Variants in AK4 observed in about 807,000 individuals in gnomAD.
AK4 encodes adenylate kinase 4.
A neutral mutation model predicts 24.6 loss-of-function variants in AK4; 13 were observed. The observed-to-expected ratio is 0.53, with a 90% CI of 0.34 to 0.84. The LOEUF is 0.84. Ranked by LOEUF, AK4 falls within the 40% of genes least tolerant of loss-of-function variation. The pLI, the probability that AK4 is intolerant of heterozygous loss-of-function variation, is 0.01. For missense variants in AK4, 192 were observed against 288.2 expected (o/e 0.67, Z 2.42); for synonymous variants, 88 against 107.0 (o/e 0.82, Z 1.10).
chr1:65,226,886 G>A lies in AK4; in HGVS notation c.*709G>A, dbSNP rs1283038680. ...ATAGTTATTGCTTTTATCCCTCTCA[G>A]ATTCTAATAACTGAGAGCGATGGGG... On this transcript the variant is annotated 3_prime_UTR_variant, in exon 5 of 5. Coordinates refer to ENST00000327299, the MANE Select transcript of AK4 (RefSeq NM_013410.4). 1 of 147,140 alleles carries A rather than the reference G, an allele frequency of 6.8e-6. No homozygotes were observed. Among genetic ancestry groups the A allele is most frequent in the East Asian group, 2.0e-4 (1 of 5,078 alleles). The allele number at this position is 147,140 out of a possible 1,614,324, so 9.1% of individuals were successfully genotyped here. A position where few individuals can be genotyped will look rare whatever the true frequency, so the allele number is the denominator to read the frequency against.
intron 1 of AK4, among the ~76,000 whole-genome samples, chr1:65,183,943 T>C (rs2101030168): frequency 6.6e-6 from 1 of 152,262 alleles, no homozygotes; most frequent in South Asian, 2.1e-4. Context: ...AAAATATCTT[T>C]CCATATCCTG....
intron 3 of AK4, among the ~76,000 whole-genome samples, chr1:65,220,845 C>G (rs189446636): frequency 6.6e-6 from 1 of 152,026 alleles, no homozygotes; most frequent in Admixed American, 6.6e-5. Flanking sequence ...GGGACTACAC[C>G]TCTTTATGTA....
At chr1:65,176,749 A>G (rs1333388520) in intron 1 of AK4, among the ~76,000 whole-genome samples, 2 of 152,070 alleles carry the variant, frequency 1.3e-5, no homozygotes, top group Non-Finnish European at 2.9e-5. Flanking sequence ...AGTGAAATAC[A>G]TTGCTGTGTT....
chr1:65,173,606 C>G (rs1650613381), intron 1 of AK4, among the ~76,000 whole-genome samples: 1 of 152,206 alleles, frequency 6.6e-6, no homozygotes, highest in Admixed American at 6.5e-5. Context: ...ACTACTCATA[C>G]CTGTAATCCC....
chr1:65,191,794 A>G (rs896123604), intron 2 of AK4, among the ~76,000 whole-genome samples: 3 of 152,094 alleles, frequency 2.0e-5, no homozygotes, highest in African/African-American at 4.8e-5. Flanking sequence ...CACAGGAGAG[A>G]TTAGGTGCTG....
At chr1:65,202,960 C>T (rs1651709160) in intron 2 of AK4, among the ~76,000 whole-genome samples, 1 of 139,962 alleles carries the variant, frequency 7.1e-6, no homozygotes, top group Admixed American at 7.9e-5. Context: ...CAGCCTCAAA[C>T]TGGGTTCAAG....
intron 2 of AK4, among the ~76,000 whole-genome samples, chr1:65,192,505 C>T (rs1398313025): frequency 1.3e-5 from 2 of 152,194 alleles, no homozygotes; most frequent in South Asian, 2.1e-4. Flanking sequence ...CCTTAGCATT[C>T]TGCCCCTACC....
rs916391220 is a variant in AK4, at chr1:65,148,216, C to T, written c.-192C>T. The stretch of plus-strand genomic sequence containing the variant: ...AGCGTGGCGCTCAGTCCGCCTGCTA[C>T]TCGGTCCCGGCGCTGGGCTGAGGGG... On this transcript the variant is annotated 5_prime_UTR_variant, in exon 1 of 5. Transcript: ENST00000327299. The T allele has an allele frequency of 1.6e-6, 2 of 1,218,652 alleles. No individual in the cohort carries two copies. The highest frequency in any genetic ancestry group is 2.7e-5 in the East Asian group (1 of 36,534). The allele number at this position is 1,218,652 out of a possible 1,614,324, so 75.5% of individuals were successfully genotyped here. A position where few individuals can be genotyped will look rare whatever the true frequency, so the allele number is the denominator to read the frequency against.
chr1:65,169,066 C>T (rs1650424723), intron 1 of AK4, among the ~76,000 whole-genome samples: 1 of 151,186 alleles, frequency 6.6e-6, no homozygotes, highest in African/African-American at 2.4e-5. Context: ...GTCCCAGCTA[C>T]TAGGGCGGAT....
At chr1:65,221,733 C>T (rs1301642612) in intron 3 of AK4, among the ~76,000 whole-genome samples, 2 of 152,222 alleles carry the variant, frequency 1.3e-5, no homozygotes, top group African/African-American at 2.4e-5. Context: ...GACCTGCTGA[C>T]GCAGAGATTC....
At position 65,148,487 on chromosome 1, in the gene AK4, A is replaced by G; in HGVS notation, c.80A>G (p.Gln27Arg). The change falls in exon 1 of 5, where the codon CAG becomes CGG. Residue 27 changes from glutamine (Q) to arginine (R), a missense_variant. Transcript: ENST00000327299. Reference protein sequence around the residue: ...GKGTVCQRIAQNFGLQHLSSG... With the variant: ...GKGTVCQRIARNFGLQHLSSG... ...GGCACCGTGTGCCAGAGGATCGCCC[A>G]GAACTTTGGTCTCCAGCATCTCTCC... is the stretch of plus-strand genomic sequence containing the variant. The G allele has an allele frequency of 1.3e-6, 2 of 1,581,346 alleles. No homozygotes were observed. The highest frequency in any genetic ancestry group is 1.7e-6 in the Non-Finnish European group (2 of 1,164,378).
intron 1 of AK4, among the ~76,000 whole-genome samples, chr1:65,173,193 G>A (rs1341146541): frequency 3.3e-5 from 5 of 152,078 alleles, no homozygotes; most frequent in Admixed American, 3.3e-4. Context: ...CACAAGTCTT[G>A]GTCGTCAGTA....
chr1:65,181,901 G>C (rs920746119), intron 1 of AK4, among the ~76,000 whole-genome samples: 2 of 152,078 alleles, frequency 1.3e-5, no homozygotes, highest in Admixed American at 6.5e-5. Context: ...CTGGCACAGA[G>C]TAGTTGCTCA....
Position 65,229,071 on chromosome 1 carries a change from TC to T in AK4, c.*2897del, listed in dbSNP as rs1398595540. On this transcript the variant is annotated 3_prime_UTR_variant, in exon 5 of 5. Transcript: ENST00000327299. ...CGTTGATAAACAAAGAAGACAGGGGTCCCAGGGATGTGAAGCATCTTGCCCA... is the reference window on the plus strand; with the variant it reads ...CGTTGATAAACAAAGAAGACAGGGGTCCAGGGATGTGAAGCATCTTGCCCA... The T allele has an allele frequency of 6.6e-6, 1 of 152,152 alleles. No individual in the cohort carries two copies. 9.4% of individuals were successfully genotyped at this position (152,152 alleles called of 1,614,324 possible).
chr1:65,222,239 G>A (rs1039171545), intron 3 of AK4, among the ~76,000 whole-genome samples: 2 of 152,140 alleles, frequency 1.3e-5, no homozygotes, highest in African/African-American at 2.4e-5. Context: ...GATAGTACAC[G>A]TGGCTGACAA....
intron 2 of AK4, among the ~76,000 whole-genome samples, chr1:65,211,082 A>G (rs1651957664): frequency 6.6e-6 from 1 of 152,112 alleles, no homozygotes; most frequent in Admixed American, 6.5e-5. Context: ...TGGTTAAATT[A>G]TGCTCTATCT....
chr1:65,153,617 G>A (rs1447681685), intron 1 of AK4, among the ~76,000 whole-genome samples: 1 of 152,056 alleles, frequency 6.6e-6, no homozygotes. Context: ...GTCATGCCTT[G>A]TACAAAATTT....
intron 1 of AK4, among the ~76,000 whole-genome samples, chr1:65,153,273 T>C (rs1023083934): frequency 6.6e-6 from 1 of 152,266 alleles, no homozygotes; most frequent in South Asian, 2.1e-4. Flanking sequence ...TGGGATTTTT[T>C]TTCTTCTTCT....
At chr1:65,212,308 T>G (rs1037321112) in intron 2 of AK4, among the ~76,000 whole-genome samples, 8 of 152,034 alleles carry the variant, frequency 5.3e-5, no homozygotes. Flanking sequence ...GATTCTTTTT[T>G]TTTTTTGAGA....
Sources: gnomAD v4.1 joint callset for allele counts (sites outside exome capture counted in the v4.1 genomes callset) on GRCh38, gnomAD v4.1.1 for gene constraint, MANE v1.5 for transcripts, NCBI Gene and HGNC (gene_info 2026-07-23, HGNC 2026-07-21) for gene names.